Variants in MECOM observed in about 807,000 individuals in gnomAD.
The protein encoded by MECOM is histone-lysine N-methyltransferase MECOM.
Under a neutral mutation model 116.3 loss-of-function variants are expected in MECOM, and 13 were observed. The observed-to-expected ratio is 0.11, with a 90% CI of 0.07 to 0.18. The LOEUF is 0.18. Among genes scored for constraint, MECOM ranks in the 10% least tolerant of loss-of-function variants. The pLI is 1.00. For missense variants in MECOM, 1,299 were observed against 1,509.0 expected (o/e 0.86, Z 2.31); for synonymous variants, 528 against 535.2 (o/e 0.99, Z 0.19).
chr3:169,558,878 C>T (rs1019506242), intron 1 of MECOM, among the ~76,000 whole-genome samples: 4 of 152,080 alleles, frequency 2.6e-5, no homozygotes, highest in African/African-American at 9.7e-5. Flanking sequence ...TCTAGATTCC[C>T]TCTCAACCCC....
chr3:169,409,743 C>G (rs1737249844), intron 1 of MECOM, among the ~76,000 whole-genome samples: 1 of 152,196 alleles, frequency 6.6e-6, no homozygotes, highest in Non-Finnish European at 1.5e-5. Context: ...ATTTTCTTCA[C>G]TGACCATGGC....
chr3:169,366,386 C>T (rs180820084), intron 2 of MECOM, among the ~76,000 whole-genome samples: 8 of 151,946 alleles, frequency 5.3e-5, no homozygotes, highest in Non-Finnish European at 7.4e-5. Context: ...AATAATACTA[C>T]CTCAAACTAG....
rs1749056316 is a variant in MECOM, at chr3:169,470,579, G to A, written c.38-89055C>T. ...TGGGGTACAGGTGTATGAGGGGGAG[G>A]GGACAGGCAAGAGGGAAGAAAGTGA... On this transcript the variant is annotated intron_variant, in intron 1 of 16. Coordinates refer to ENST00000651503, the MANE Select transcript of MECOM (RefSeq NM_004991.4). 2.0e-5 allele frequency among the ~76,000 whole-genome samples: 3 copies of A among 152,122 alleles called. No homozygotes were observed. In the South Asian group the frequency reaches 6.2e-4, roughly 32 times the overall value.
intron 1 of MECOM, among the ~76,000 whole-genome samples, chr3:169,384,896 C>T (rs1050222603): frequency 2.6e-5 from 4 of 151,832 alleles, no homozygotes; most frequent in Non-Finnish European, 4.4e-5. Flanking sequence ...TGAGCTCAAG[C>T]GTTCGAGACC....
At chr3:169,108,305 C>T (rs1056743540) in intron 9 of MECOM, among the ~76,000 whole-genome samples, 1 of 152,124 alleles carries the variant, frequency 6.6e-6, no homozygotes, top group African/African-American at 2.4e-5. Flanking sequence ...AGGCCATTTC[C>T]TGTAAAAATC....
At position 169,611,284 on chromosome 3, in the gene MECOM, C is replaced by A. The variant is rs1334214875; in HGVS notation, c.37+52052G>T. 1.3e-5 allele frequency among the ~76,000 whole-genome samples: 2 copies of A among 152,222 alleles called. No homozygotes were observed. The highest frequency in any genetic ancestry group is 2.4e-5 in the African/African-American group (1 of 41,454). ...GGCACTGCCACTGTCTCTTCCAATG[C>A]AATTTGTACATTATGCCGAATCATA... On this transcript the variant is annotated intron_variant, in intron 1 of 16. Coordinates refer to ENST00000651503, the MANE Select transcript of MECOM (RefSeq NM_004991.4). This position sits in a 1 kb window ranked among gnomAD's most constrained non-coding sequence, Gnocchi z 4.1.
At chr3:169,585,679 T>C (rs1395942047) in intron 1 of MECOM, among the ~76,000 whole-genome samples, 2 of 152,360 alleles carry the variant, frequency 1.3e-5, no homozygotes, top group East Asian at 3.9e-4. Context: ...TAAATATTCC[T>C]ACCCATCCCT....
chr3:169,443,919 G>A (rs548283915), intron 1 of MECOM, among the ~76,000 whole-genome samples: 84 of 152,276 alleles, frequency 5.5e-4, no homozygotes, highest in African/African-American at 1.9e-3. Flanking sequence ...CTCTCTTGAG[G>A]TCTGTGAGCC....
intron 1 of MECOM, among the ~76,000 whole-genome samples, chr3:169,397,806 A>G (rs1470136931): frequency 1.3e-5 from 2 of 152,210 alleles, no homozygotes; most frequent in Non-Finnish European, 2.9e-5. Context: ...TCTGTGGGTA[A>G]AAAGGTTGAA....
At chr3:169,389,950 G>T (rs1298729391) in intron 1 of MECOM, among the ~76,000 whole-genome samples, 2 of 152,172 alleles carry the variant, frequency 1.3e-5, no homozygotes, top group Non-Finnish European at 2.9e-5. Flanking sequence ...CATCAGGAAG[G>T]TATAGAGAAT....
At chr3:169,362,391 T>A (rs1728449011) in intron 2 of MECOM, among the ~76,000 whole-genome samples, 1 of 151,880 alleles carries the variant, frequency 6.6e-6, no homozygotes, top group South Asian at 2.1e-4. Context: ...AAATGACTTT[T>A]CCAAGTTCCC....
chr3:169,392,337 T>C (rs1734346997), intron 1 of MECOM, among the ~76,000 whole-genome samples: 1 of 152,208 alleles, frequency 6.6e-6, no homozygotes, highest in Non-Finnish European at 1.5e-5. Flanking sequence ...GTGTGAATGC[T>C]TCAATTGCAC....
At chr3:169,585,203 A>C (rs1765644070) in intron 1 of MECOM, among the ~76,000 whole-genome samples, 1 of 152,194 alleles carries the variant, frequency 6.6e-6, no homozygotes, top group African/African-American at 2.4e-5. Context: ...ACCTGCCTGG[A>C]GGCCAAACAC....
chr3:169,440,849 A>G (rs1372279147), intron 1 of MECOM, among the ~76,000 whole-genome samples: 3 of 152,128 alleles, frequency 2.0e-5, no homozygotes, highest in African/African-American at 7.2e-5. Flanking sequence ...CCAAGAGTCA[A>G]GTAATCACCT....
At chr3:169,554,079 G>C (rs1014949720) in intron 1 of MECOM, among the ~76,000 whole-genome samples, 1 of 152,152 alleles carries the variant, frequency 6.6e-6, no homozygotes, top group African/African-American at 2.4e-5. Flanking sequence ...ACAGCCAGTG[G>C]CATCTGAATA....
chr3:169,641,084 G>C (rs948230404), intron 1 of MECOM, among the ~76,000 whole-genome samples: 1 of 152,176 alleles, frequency 6.6e-6, no homozygotes, highest in African/African-American at 2.4e-5. Context: ...GTCATGCTAA[G>C]GGCCACCCTA....
intron 1 of MECOM, among the ~76,000 whole-genome samples, chr3:169,538,003 A>G: frequency 6.6e-6 from 1 of 152,170 alleles, no homozygotes; most frequent in East Asian, 1.9e-4. Context: ...TTTTTAAAAA[A>G]ATAATGATAC....
intron 2 of MECOM, among the ~76,000 whole-genome samples, chr3:169,289,461 T>C (rs1330507769): frequency 6.6e-6 from 1 of 152,244 alleles, no homozygotes; most frequent in Non-Finnish European, 1.5e-5. Flanking sequence ...CCTTCCTTCT[T>C]GTTCATTATT....
At chr3:169,237,599 T>C (rs941338254) in intron 2 of MECOM, among the ~76,000 whole-genome samples, 3 of 104,020 alleles carry the variant, frequency 2.9e-5, no homozygotes, top group African/African-American at 1.2e-4. Flanking sequence ...CTAACTGCAA[T>C]GTCTCCATCA....
Sources: gnomAD v4.1 joint callset for allele counts (sites outside exome capture counted in the v4.1 genomes callset) on GRCh38, gnomAD v4.1.1 for gene constraint, Gnocchi (gnomAD v3.1) non-coding constraint, MANE v1.5 for transcripts, NCBI Gene and HGNC (gene_info 2026-07-23, HGNC 2026-07-21) for gene names.